TMTC1: variants seen among roughly 807,000 people sequenced by gnomAD.
TMTC1 encodes transmembrane O-mannosyltransferase targeting cadherins 1, also known as protein O-mannosyl-transferase TMTC1.
Under a neutral mutation model 104.8 loss-of-function variants are expected in TMTC1, and 73 were observed. The observed-to-expected ratio is 0.70, with a 90% CI of 0.58 to 0.85. The LOEUF is 0.85. Ranked by LOEUF, TMTC1 falls within the 40% of genes least tolerant of loss-of-function variation. The pLI is 0.00. For synonymous variants in TMTC1, 434 were observed against 428.7 expected, an observed-to-expected ratio of 1.01 and a Z score of -0.15; for missense variants, 1,035 against 1,096.1, an observed-to-expected ratio of 0.94 and a Z score of 0.79.
chr12:29,680,834 G>A (rs1257110456), intron 5 of TMTC1, among the ~76,000 whole-genome samples: 4 of 151,986 alleles, frequency 2.6e-5, no homozygotes, highest in African/African-American at 7.2e-5. Context: ...AGCAATGAAG[G>A]TCTAACTGAT....
At chr12:29,632,615 T>G (rs560320071) in intron 6 of TMTC1, among the ~76,000 whole-genome samples, 1 of 152,352 alleles carries the variant, frequency 6.6e-6, no homozygotes, top group South Asian at 2.1e-4. Context: ...GTGAGCTAAC[T>G]AAACCTCTTT....
chr12:29,684,497 A>G (rs1941030303), intron 5 of TMTC1, among the ~76,000 whole-genome samples: 1 of 152,234 alleles, frequency 6.6e-6, no homozygotes, highest in East Asian at 1.9e-4. Flanking sequence ...AAATTAGTAC[A>G]GTAATAAGTT....
At chr12:29,555,184 C>G (rs573286168) in intron 10 of TMTC1, among the ~76,000 whole-genome samples, 8 of 125,974 alleles carry the variant, frequency 6.4e-5, no homozygotes, top group Non-Finnish European at 1.3e-4. Flanking sequence ...GTCACCCAGG[C>G]TAGAGTACAG....
chr12:29,723,762 T>C (rs779102803), intron 5 of TMTC1, among the ~76,000 whole-genome samples: 1 of 152,024 alleles, frequency 6.6e-6, no homozygotes, highest in Non-Finnish European at 1.5e-5. Flanking sequence ...GAAACTGATA[T>C]GTGTAAGTAG....
At chr12:29,715,539 T>C (rs1344823226) in intron 5 of TMTC1, among the ~76,000 whole-genome samples, 2 of 152,194 alleles carry the variant, frequency 1.3e-5, no homozygotes, top group African/African-American at 2.4e-5. Context: ...AACAGTTACA[T>C]TGTATTTATT....
chr12:29,604,026 C>A (rs1946631651), intron 7 of TMTC1, 152 bp downstream of exon 7: 1 of 1,027,782 alleles, frequency 9.7e-7, no homozygotes, highest in Non-Finnish European at 1.4e-6. Flanking sequence ...TCTCATCCAA[C>A]CTTCTGTGTG....
At chr12:29,752,186 T>C (rs1425468149) in intron 4 of TMTC1, among the ~76,000 whole-genome samples, 1 of 151,868 alleles carries the variant, frequency 6.6e-6, no homozygotes, top group Non-Finnish European at 1.5e-5. Flanking sequence ...ACCCTCCAAA[T>C]AGGTTTCTCT....
chr12:29,672,112 A>C (rs1591903277), intron 5 of TMTC1, among the ~76,000 whole-genome samples: 2 of 152,324 alleles, frequency 1.3e-5, no homozygotes, highest in Admixed American at 1.3e-4. Context: ...CAGCAGTATG[A>C]CATCCCTACA....
chr12:29,574,500 A>G (rs913707536), intron 8 of TMTC1, among the ~76,000 whole-genome samples: 1 of 152,206 alleles, frequency 6.6e-6, no homozygotes, highest in Non-Finnish European at 1.5e-5. Flanking sequence ...AAACCCATAG[A>G]CTGGGTGGCT....
At chr12:29,747,241 C>A (rs921863642) in intron 5 of TMTC1, among the ~76,000 whole-genome samples, 1 of 152,060 alleles carries the variant, frequency 6.6e-6, no homozygotes, top group Admixed American at 6.5e-5. Context: ...TCCCTGTGTG[C>A]CTGAATTTGA....
At chr12:29,572,344 G>T in intron 8 of TMTC1, 126 bp from the exon 9 acceptor site, 1 of 809,010 alleles carries the variant, frequency 1.2e-6, no homozygotes, top group East Asian at 2.7e-5. Flanking sequence ...ACAAGGCATT[G>T]TAGCCTACAA....
chr12:29,521,566 CTTTTTTT>C (rs3036151), intron 11 of TMTC1, among the ~76,000 whole-genome samples: 4 of 89,636 alleles, frequency 4.5e-5, no homozygotes, highest in Non-Finnish European at 1.0e-4. Flanking sequence ...TTCTTTCTTT[CTTTTTTT>C]TTTTTTTTTT....
chr12:29,627,757 C>CA (rs1210358602), intron 6 of TMTC1, among the ~76,000 whole-genome samples: 10 of 149,270 alleles, frequency 6.7e-5, no homozygotes, highest in African/African-American at 2.2e-4. Context: ...AATGGATAAG[C>CA]AAACTGTGGT....
At chr12:29,738,730 A>C (rs182341504) in intron 5 of TMTC1, among the ~76,000 whole-genome samples, 248 of 152,356 alleles carry the variant, frequency 1.6e-3, no homozygotes, top group African/African-American at 5.5e-3. Flanking sequence ...ATGGATTGTC[A>C]ACCCTGTGAA....
intron 5 of TMTC1, among the ~76,000 whole-genome samples, chr12:29,663,131 T>C (rs559420470): frequency 6.6e-6 from 1 of 152,342 alleles, no homozygotes; most frequent in South Asian, 2.1e-4. Context: ...ACTTCGATCT[T>C]TAGTGTCAAC....
chr12:29,656,114 C>T (rs1469042901), intron 5 of TMTC1, among the ~76,000 whole-genome samples: 2 of 151,998 alleles, frequency 1.3e-5, no homozygotes. Flanking sequence ...GAAAAGCCAA[C>T]AGAACTAGGA....
At chr12:29,539,890 C>T (rs143995470) in intron 10 of TMTC1, among the ~76,000 whole-genome samples, 149 of 152,286 alleles carry the variant, frequency 9.8e-4, no homozygotes, top group African/African-American at 3.3e-3. Context: ...CGCCTCTCAG[C>T]CTGGTGTTCT....
chr12:29,626,090 T>C (rs1937974598), intron 6 of TMTC1, among the ~76,000 whole-genome samples: 1 of 152,222 alleles, frequency 6.6e-6, no homozygotes, highest in African/African-American at 2.4e-5. Context: ...TTTATTCATT[T>C]AGATAATAGA....
At chr12:29,551,340 A>G (rs149428462) in intron 10 of TMTC1, among the ~76,000 whole-genome samples, 311 of 152,334 alleles carry the variant, frequency 2.0e-3, no homozygotes, top group African/African-American at 7.0e-3. Context: ...ACATATCCCT[A>G]GCACTTAAAA....
Sources: allele counts gnomAD v4.1 joint callset (sites outside exome capture counted in the v4.1 genomes callset), GRCh38; gene constraint gnomAD v4.1.1; transcripts MANE v1.5; gene names NCBI Gene and HGNC (gene_info 2026-07-23, HGNC 2026-07-21).